LPCAT3: variants seen among roughly 807,000 people sequenced by gnomAD.
The protein encoded by LPCAT3 is lysophosphatidylcholine acyltransferase 3.
A neutral mutation model predicts 63.4 loss-of-function variants in LPCAT3; 21 were observed. The ratio of observed to expected loss-of-function variants is 0.33; its 90% CI spans 0.23 to 0.48. LPCAT3 has a LOEUF of 0.48. Among genes scored for constraint, LPCAT3 ranks in the 20% least tolerant of loss-of-function variants. LPCAT3 has a pLI of 0.99. For synonymous variants in LPCAT3, 242 were observed against 227.5 expected, an observed-to-expected ratio of 1.06 and a Z score of -0.58; for missense variants, 451 against 590.6, an observed-to-expected ratio of 0.76 and a Z score of 2.45.
chr12:6,976,272 A>G lies in LPCAT3; in HGVS notation c.*632T>C, dbSNP rs1354718160. 3 of 152,150 alleles carry G rather than the reference A, an allele frequency of 2.0e-5. No homozygotes were observed. The highest frequency in any genetic ancestry group is 7.3e-5 in the African/African-American group (3 of 40,958). The allele number at this position is 152,150 out of a possible 1,614,324, so 9.4% of individuals were successfully genotyped here. ...CAGGCAGGGCCTTGCACCCCTCTCC[A>G]CCCCCCCATGGGGGGGGTGGTGGTA... is the stretch of plus-strand genomic sequence containing the variant. On this transcript the variant is annotated 3_prime_UTR_variant, in exon 13 of 13. Transcript: ENST00000261407.
chr12:7,007,493 C>CTTTTTT (rs1161030834), intron 1 of LPCAT3, among the ~76,000 whole-genome samples: 6 of 121,710 alleles, frequency 4.9e-5, no homozygotes, highest in South Asian at 2.5e-4. Context: ...TTGACAAAAG[C>CTTTTTT]TTTTTTTTTT....
intron 1 of LPCAT3, among the ~76,000 whole-genome samples, chr12:6,988,650 C>T (rs1555155078): frequency 2.6e-5 from 4 of 152,158 alleles, no homozygotes; most frequent in Non-Finnish European, 4.4e-5. Context: ...AGTTGGCTTC[C>T]GTGGGTCTGA....
intron 1 of LPCAT3, among the ~76,000 whole-genome samples, chr12:6,994,050 C>T (rs955390161): frequency 2.0e-5 from 3 of 152,198 alleles, no homozygotes; most frequent in Non-Finnish European, 4.4e-5. Flanking sequence ...TTGCCTAGGC[C>T]GGTCTTGAAC....
chr12:6,982,960 G>C (rs962918158), intron 2 of LPCAT3, 178 bp from the exon 3 acceptor site: 4 of 669,366 alleles, frequency 6.0e-6, no homozygotes, highest in Non-Finnish European at 1.1e-5. Context: ...AGATTATTAG[G>C]GTGTTATTTT....
rs1555153462 is a variant in LPCAT3 at position 6,977,582 on chromosome 12, C to G, written c.1188+16G>C. ...TGTCCCTTATATTCCCCTTCACCCC[C>G]ACCCTGGAGGCCTACCTGTCTTTCC... On this transcript the variant is annotated intron_variant, in intron 10 of 12. Transcript: ENST00000261407. The surrounding 1 kb of genome is among the most constrained non-coding windows in gnomAD (Gnocchi z 4.5). 2 of 1,614,092 alleles carry G rather than the reference C, an allele frequency of 1.2e-6. No homozygotes were observed. The highest frequency in any genetic ancestry group is 2.7e-5 in the African/African-American group (2 of 74,924).
In LPCAT3 at chr12:7,005,106, C is replaced by T. The variant is rs377420156; in HGVS notation, c.151+13168G>A. The stretch of plus-strand genomic sequence containing the variant: ...AGTGGCCATTCCCAATTCACCCTTC[C>T]TCTTATCCCCTAGCAACCACCAATC... On this transcript the variant is annotated intron_variant, in intron 1 of 12. Transcript: ENST00000261407. Among the ~76,000 whole-genome samples the T allele has an allele frequency of 4.6e-5, 7 of 152,210 alleles. No individual in the cohort carries two copies. The East Asian group carries it at 1.2e-3, about 25-fold the overall frequency.
rs1555157325 is a variant in LPCAT3 at position 7,012,702 on chromosome 12, C to T, written c.151+5572G>A. Among the ~76,000 whole-genome samples the T allele has an allele frequency of 3.3e-5, 5 of 152,264 alleles. No individual in the cohort carries two copies. In the South Asian group the frequency reaches 1.0e-3, roughly 32 times the overall value. ...CTCTGTCTTTAGCCCAGCTTCTTTCCTGAGCTCAAGACCAGGCTTCACAAC... is the reference window on the plus strand; with the variant it reads ...CTCTGTCTTTAGCCCAGCTTCTTTCTTGAGCTCAAGACCAGGCTTCACAAC... On this transcript the variant is annotated intron_variant, in intron 1 of 12. Coordinates refer to ENST00000261407, the MANE Select transcript of LPCAT3 (RefSeq NM_005768.6).
intron 7 of LPCAT3, 150 bp downstream of exon 7, chr12:6,979,321 G>A (rs1030502788): frequency 1.9e-5 from 12 of 642,966 alleles, no homozygotes; most frequent in Non-Finnish European, 3.0e-5. Context: ...GTCCCAGCAC[G>A]GCTGGCATTG....
intron 1 of LPCAT3, among the ~76,000 whole-genome samples, chr12:7,011,473 C>T (rs940748009): frequency 1.3e-5 from 2 of 151,950 alleles, no homozygotes; most frequent in African/African-American, 4.8e-5. Flanking sequence ...CGGTAAAACC[C>T]TGTTTCTACA....
intron 1 of LPCAT3, among the ~76,000 whole-genome samples, chr12:6,985,425 CTG>C (rs1340585493): frequency 6.6e-6 from 1 of 151,108 alleles, no homozygotes; most frequent in Non-Finnish European, 1.5e-5. Context: ...AAACAAAAAA[CTG>C]TACTGGCTGG....
At chr12:7,013,532 C>T (rs7311050) in intron 1 of LPCAT3, among the ~76,000 whole-genome samples, 22,639 of 152,076 alleles carry the variant, frequency 0.15, 2,595 homozygotes, top group African/African-American at 0.32. Context: ...AGACACAATC[C>T]AGAGGTTGTA....
chr12:6,996,733 A>C (rs1555156060), intron 1 of LPCAT3, among the ~76,000 whole-genome samples: 1 of 152,228 alleles, frequency 6.6e-6, no homozygotes, highest in East Asian at 1.9e-4. Context: ...AAAATCAAAC[A>C]ATGATGTTCT....
chr12:7,002,751 C>T (rs782364349), intron 1 of LPCAT3, among the ~76,000 whole-genome samples: 1 of 152,206 alleles, frequency 6.6e-6, no homozygotes, highest in Non-Finnish European at 1.5e-5. Flanking sequence ...TGGCTAACGC[C>T]TGTAATCCCA....
At chr12:7,000,314 G>A (rs1302421515) in intron 1 of LPCAT3, among the ~76,000 whole-genome samples, 4 of 151,560 alleles carry the variant, frequency 2.6e-5, no homozygotes, top group East Asian at 3.9e-4. Context: ...ATATTTGGCC[G>A]GGCGCGGTGG....
rs781830496 is a variant in LPCAT3, at chr12:7,014,733, A to G, written c.151+3541T>C. Among the ~76,000 whole-genome samples the G allele has an allele frequency of 3.9e-5, 6 of 152,162 alleles. No homozygotes were observed. In the South Asian group the frequency reaches 6.2e-4, roughly 16 times the overall value. ...AACATGGTGAAACCCCGTCTCTACTAAAAACACAAAAATTAGCCGGGTATG... is the reference window on the plus strand; with the variant it reads ...AACATGGTGAAACCCCGTCTCTACTGAAAACACAAAAATTAGCCGGGTATG... On this transcript the variant is annotated intron_variant, in intron 1 of 12. Coordinates refer to ENST00000261407, the MANE Select transcript of LPCAT3 (RefSeq NM_005768.6).
intron 1 of LPCAT3, among the ~76,000 whole-genome samples, chr12:7,004,558 T>C (rs1946713227): frequency 6.6e-6 from 1 of 152,218 alleles, no homozygotes; most frequent in African/African-American, 2.4e-5. Context: ...TACTCTGCTA[T>C]ATTACCCTCT....
At chr12:7,015,138 A>G (rs782814501) in intron 1 of LPCAT3, among the ~76,000 whole-genome samples, 1 of 152,334 alleles carries the variant, frequency 6.6e-6, no homozygotes, top group East Asian at 1.9e-4. Flanking sequence ...AATGCTCTGC[A>G]TTCCACCCCA....
At chr12:6,981,551 T>C in intron 5 of LPCAT3, 44 bp downstream of exon 5, 3 of 1,603,196 alleles carry the variant, frequency 1.9e-6, no homozygotes, top group Non-Finnish European at 2.6e-6. Context: ...TTTTCTTCCC[T>C]TTCATTAAGT....
intron 1 of LPCAT3, among the ~76,000 whole-genome samples, chr12:6,992,417 TGCAGTGACCACTGGTACAGTTTG>T (rs748094186): frequency 5.6e-4 from 85 of 152,276 alleles, no homozygotes; most frequent in Non-Finnish European, 1.0e-3. Flanking sequence ...CAGTAAAGAA[TGCAGTGACCACTGGTACAGTTTG>T]GTGTCACCGT....
Sources: gnomAD v4.1 joint callset for allele counts (sites outside exome capture counted in the v4.1 genomes callset) on GRCh38, gnomAD v4.1.1 for gene constraint, Gnocchi (gnomAD v3.1) non-coding constraint, MANE v1.5 for transcripts, NCBI Gene and HGNC (gene_info 2026-07-23, HGNC 2026-07-21) for gene names.